The following RAD51B variants were observed in gnomAD, a reference collection of about 807,000 sequenced individuals.
RAD51B encodes the protein DNA repair protein RAD51 homolog 2.
In RAD51B, 38 loss-of-function variants were observed where a neutral mutation model predicts 42.2. The observed-to-expected ratio is 0.90, with a 90% CI of 0.70 to 1.18. RAD51B has a LOEUF of 1.18. Among genes scored for constraint, RAD51B ranks in the 50% most tolerant of loss-of-function variants. The pLI is 0.00. For missense variants in RAD51B, 373 were observed against 400.7 expected (o/e 0.93, Z 0.59); for synonymous variants, 154 against 145.2 (o/e 1.06, Z -0.43).
At chr14:68,502,371 C>CGCACA (rs1330791974) in intron 10 of RAD51B, among the ~76,000 whole-genome samples, 1 of 152,138 alleles carries the variant, frequency 6.6e-6, no homozygotes, top group Non-Finnish European at 1.5e-5. Flanking sequence ...GGGAGGGGGG[C>CGCACA]GCACAGCTGC....
At chr14:68,124,946 C>T (rs1201020906) in intron 7 of RAD51B, 1 of 141,440 alleles carries the variant, frequency 7.1e-6, no homozygotes, top group East Asian at 2.1e-4. Flanking sequence ...AAGACTCTGA[C>T]TCAAAAAAAA....
At chr14:67,825,680 C>T (rs2040807424) in intron 3 of RAD51B, 103 bp downstream of exon 3, 1 of 772,364 alleles carries the variant, frequency 1.3e-6, no homozygotes, top group Admixed American at 3.5e-5. Flanking sequence ...ATGAGTACCT[C>T]AAAAATACTG....
intron 7 of RAD51B, among the ~76,000 whole-genome samples, chr14:67,952,941 G>T (rs933143003): frequency 6.6e-6 from 1 of 151,648 alleles, no homozygotes; most frequent in East Asian, 1.9e-4. Context: ...ACATTCTTTG[G>T]CATCTTAAAC....
rs543477271 is a variant in RAD51B, at chr14:68,630,562, C to A, written c.1037-20219C>A. On this transcript the variant is annotated intron_variant, in intron 10 of 11. Transcript: ENST00000488612. ...GGTTTACTTCAGCACATTTGTGATG[C>A]GATACTAGCTGCTTGGAGAGAAACC... Among the ~76,000 whole-genome samples, 3 of 152,278 alleles carry A rather than the reference C, an allele frequency of 2.0e-5. No homozygotes were observed. In the South Asian group the frequency reaches 6.2e-4, roughly 32 times the overall value.
At chr14:67,875,811 G>A (rs1054096108) in intron 5 of RAD51B, among the ~76,000 whole-genome samples, 6 of 152,194 alleles carry the variant, frequency 3.9e-5, no homozygotes, top group Non-Finnish European at 5.9e-5. Context: ...GCAGGGAGTG[G>A]TAGTGGCCAG....
chr14:67,994,974 C>T (rs947904233), intron 7 of RAD51B, among the ~76,000 whole-genome samples: 1 of 152,096 alleles, frequency 6.6e-6, no homozygotes, highest in African/African-American at 2.4e-5. Flanking sequence ...ACACGATGAC[C>T]TTGAGGATGT....
At position 67,825,546 on chromosome 14, in the gene RAD51B, T is replaced by TCAG. The variant is rs780093515; in HGVS notation, c.171_173dup (p.Ser57dup). ...GGTGTCCATGAACTTCTATGTATGG[T>TCAG]CAGCAGGGCCTGTGCCCCAAAGATG... is the stretch of plus-strand genomic sequence containing the variant. On this transcript the variant is annotated inframe_insertion, in exon 3 of 11. Transcript: ENST00000471583. The TCAG allele has an allele frequency of 6.2e-7, 1 of 1,612,890 alleles. No homozygotes were observed. The highest frequency in any genetic ancestry group is 1.1e-5 in the South Asian group (1 of 90,940).
intron 3 of RAD51B, among the ~76,000 whole-genome samples, chr14:67,830,021 G>C (rs536566628): frequency 6.6e-6 from 1 of 152,150 alleles, no homozygotes; most frequent in Non-Finnish European, 1.5e-5. Flanking sequence ...GATGGGCAGG[G>C]AAGAGTTATT....
At chr14:68,472,316 A>G (rs2086146754) in intron 10 of RAD51B, among the ~76,000 whole-genome samples, 1 of 152,178 alleles carries the variant, frequency 6.6e-6, no homozygotes, top group Non-Finnish European at 1.5e-5. Flanking sequence ...CCAAGAATAA[A>G]GATTCTGTCA....
intron 5 of RAD51B, among the ~76,000 whole-genome samples, chr14:67,884,031 G>A (rs958750412): frequency 6.6e-6 from 1 of 152,198 alleles, no homozygotes; most frequent in African/African-American, 2.4e-5. Context: ...AATGAAGATT[G>A]TCACAAGAAG....
intron 9 of RAD51B, among the ~76,000 whole-genome samples, chr14:68,414,466 T>A (rs2084498808): frequency 6.6e-6 from 1 of 152,184 alleles, no homozygotes; most frequent in Non-Finnish European, 1.5e-5. Context: ...CTACTTTTTG[T>A]AGTTGTTGTT....
intron 10 of RAD51B, among the ~76,000 whole-genome samples, chr14:68,529,953 A>G (rs1444448104): frequency 6.6e-6 from 1 of 152,242 alleles, no homozygotes; most frequent in Non-Finnish European, 1.5e-5. Context: ...TTAAAAAGAT[A>G]AAATACACAG....
At chr14:68,209,034 T>C (rs1427177855) in intron 7 of RAD51B, among the ~76,000 whole-genome samples, 1 of 152,222 alleles carries the variant, frequency 6.6e-6, no homozygotes, top group Non-Finnish European at 1.5e-5. Context: ...AGATGTTTTC[T>C]AGGGTGTAGC....
chr14:68,504,662 CTTTTTTTTTTT>C lies in RAD51B; in HGVS notation c.1036+36427_1036+36437del, dbSNP rs57967320. Among the ~76,000 whole-genome samples, 43 of 90,448 alleles carry C rather than the reference CTTTTTTTTTTT, an allele frequency of 4.8e-4. 1 individual carries two copies. The highest frequency in any genetic ancestry group is 1.7e-3 in the African/African-American group (41 of 24,576). The allele number at this position is 90,448 out of a possible 152,430, so 59.3% of individuals were successfully genotyped here. A position where few individuals can be genotyped will look rare whatever the true frequency, so the allele number is the denominator to read the frequency against. ...AAGGAGTAATCCTTTTTTTTTCTTT[CTTTTTTTTTTT>C]TTTTTTTTTTTTTTGCTAGTTCATT... is the stretch of plus-strand genomic sequence containing the variant. On this transcript the variant is annotated intron_variant, in intron 10 of 10. Transcript: ENST00000487270.
Position 67,936,889 on chromosome 14 carries a change from G to A in RAD51B, c.756+49685G>A, listed in dbSNP as rs574097749. Among the ~76,000 whole-genome samples the A allele has an allele frequency of 2.6e-5, 4 of 152,220 alleles. No individual in the cohort carries two copies. The South Asian group carries it at 8.3e-4, about 32-fold the overall frequency. ...CATTTGTATATCTCTTTTGGAGAAA[G>A]TCTATTTAAATCTCTTGCCCAGTTG... On this transcript the variant is annotated intron_variant, in intron 7 of 10. Transcript: ENST00000471583.
intron 9 of RAD51B, among the ~76,000 whole-genome samples, chr14:68,449,352 AC>A (rs1184503971): frequency 2.6e-5 from 4 of 152,300 alleles, no homozygotes; most frequent in African/African-American, 9.6e-5. Context: ...CTACCTAGGG[AC>A]CCCAAAGAGC....
At chr14:68,031,148 G>C (rs1360896945) in intron 7 of RAD51B, among the ~76,000 whole-genome samples, 1 of 152,202 alleles carries the variant, frequency 6.6e-6, no homozygotes, top group East Asian at 1.9e-4. Flanking sequence ...ACAGTTCCAT[G>C]TGGCTGGGGA....
chr14:67,975,920 A>G (rs1293416823), intron 7 of RAD51B, among the ~76,000 whole-genome samples: 1 of 152,196 alleles, frequency 6.6e-6, no homozygotes, highest in African/African-American at 2.4e-5. Context: ...TATCATGTTC[A>G]GTTTTACTTT....
intron 7 of RAD51B, among the ~76,000 whole-genome samples, chr14:68,214,867 A>G (rs2079782046): frequency 6.6e-6 from 1 of 152,216 alleles, no homozygotes; most frequent in South Asian, 2.1e-4. Context: ...TTTGTGGGCA[A>G]CCTGTGAAAC....
Sources: gnomAD v4.1 joint callset for allele counts (sites outside exome capture counted in the v4.1 genomes callset) on GRCh38, gnomAD v4.1.1 for gene constraint, MANE v1.5 for transcripts, NCBI Gene and HGNC (gene_info 2026-07-23, HGNC 2026-07-21) for gene names.